Variants in FAM193A observed in about 807,000 individuals in gnomAD.
FAM193A encodes the protein family with sequence similarity 193 member A.
Under a neutral mutation model 126.5 loss-of-function variants are expected in FAM193A, and 22 were observed. The observed-to-expected ratio is 0.17, with a 90% CI of 0.12 to 0.25. The LOEUF is 0.25. Among genes scored for constraint, FAM193A ranks in the 10% least tolerant of loss-of-function variants. The pLI is 1.00. For missense variants in FAM193A, 1,675 were observed against 1,672.8 expected (o/e 1.00, Z -0.02); for synonymous variants, 761 against 646.8 (o/e 1.18, Z -2.68).
At chr4:2,711,222 T>C (rs1465183756) in intron 19 of FAM193A, among the ~76,000 whole-genome samples, 2 of 152,198 alleles carry the variant, frequency 1.3e-5, no homozygotes, top group African/African-American at 4.8e-5. Flanking sequence ...CAGTTCATTT[T>C]GTTTTTTCTT....
intron 20 of FAM193A, among the ~76,000 whole-genome samples, chr4:2,727,260 A>C (rs1720864958): frequency 6.6e-6 from 1 of 152,226 alleles, no homozygotes; most frequent in Non-Finnish European, 1.5e-5. Context: ...CGTCTCAAAA[A>C]AAAAAAAATT....
At chr4:2,596,757 G>T (rs906103319) in intron 2 of FAM193A, among the ~76,000 whole-genome samples, 1 of 152,164 alleles carries the variant, frequency 6.6e-6, no homozygotes. Flanking sequence ...GCCACAGCAG[G>T]CTTGGCTGGG....
At position 2,648,833 on chromosome 4, in the gene FAM193A, CG is replaced by C. The variant is rs956947920; in HGVS notation, c.1311+2003del. Among the ~76,000 whole-genome samples, 36 of 152,316 alleles carry C rather than the reference CG, an allele frequency of 2.4e-4. 1 individual carries two copies. Among genetic ancestry groups the C allele is most frequent in the Admixed American group, 2.2e-3 (33 of 15,308 alleles). ...ACCTTCTCCAGGAAGTGGGCATCTT[CG>C]GCAGAGGCTCTTCAGGGCTGTGGCC... On this transcript the variant is annotated intron_variant, in intron 7 of 20. Coordinates refer to ENST00000637812, the MANE Select transcript of FAM193A (RefSeq NM_001366318.2).
At chr4:2,726,135 G>A (rs1444454964) in intron 20 of FAM193A, among the ~76,000 whole-genome samples, 6 of 151,938 alleles carry the variant, frequency 3.9e-5, no homozygotes, top group East Asian at 1.9e-4. Context: ...TCCCGACCTC[G>A]TGATCCGCCC....
Position 2,659,470 on chromosome 4 carries a change from A to T in FAM193A, c.1390-88A>T, listed in dbSNP as rs181949598. ...TGAGGAAGCAGTGCCCGTGAACATGATACATGTCAGCAGAATTACTGAAAA... is the reference window on the plus strand; with the variant it reads ...TGAGGAAGCAGTGCCCGTGAACATGTTACATGTCAGCAGAATTACTGAAAA... On this transcript the variant is annotated intron_variant, in intron 8 of 20. Transcript: ENST00000637812. 4.1e-4 allele frequency: 370 copies of T among 907,506 alleles called. 3 individuals are homozygous for T. The African/African-American group carries it at 5.4e-3, about 13-fold the overall frequency. The allele number at this position is 907,506 out of a possible 1,614,324, so 56.2% of individuals were successfully genotyped here.
intron 12 of FAM193A, among the ~76,000 whole-genome samples, chr4:2,665,411 ATGT>A (rs1712995839): frequency 6.6e-6 from 1 of 152,184 alleles, no homozygotes; most frequent in Non-Finnish European, 1.5e-5. Flanking sequence ...ATACAAGATC[ATGT>A]TGTCTGCAAA....
At chr4:2,726,152 G>A (rs1426961813) in intron 20 of FAM193A, among the ~76,000 whole-genome samples, 2 of 152,168 alleles carry the variant, frequency 1.3e-5, no homozygotes, top group African/African-American at 4.8e-5. Context: ...GCCCATCTCA[G>A]CCTCCCAAAG....
At chr4:2,714,916 C>T (rs1307121341) in intron 19 of FAM193A, among the ~76,000 whole-genome samples, 6 of 152,270 alleles carry the variant, frequency 3.9e-5, no homozygotes, top group East Asian at 3.9e-4. Context: ...CCCCCAACCC[C>T]GCCCCAGCCC....
At chr4:2,552,302 C>T (rs1469587443) in intron 1 of FAM193A, among the ~76,000 whole-genome samples, 13 of 63,876 alleles carry the variant, frequency 2.0e-4, no homozygotes, top group African/African-American at 6.7e-4. Context: ...TGAGCCACCG[C>T]GCCCGGCTGA....
chr4:2,605,883 A>G (rs576651373), intron 2 of FAM193A, among the ~76,000 whole-genome samples: 1 of 145,966 alleles, frequency 6.9e-6, no homozygotes, highest in South Asian at 2.2e-4. Flanking sequence ...AGGCAGGAGA[A>G]TCACTTGAAC....
intron 13 of FAM193A, among the ~76,000 whole-genome samples, chr4:2,677,898 G>A (rs559896775): frequency 1.3e-5 from 2 of 152,312 alleles, no homozygotes; most frequent in East Asian, 3.9e-4. Flanking sequence ...TGGGCAGTAT[G>A]TACATTCTAA....
chr4:2,646,687 T>TA lies in FAM193A; in HGVS notation c.1167dup (p.Gly390ArgfsTer10). 6.2e-7 allele frequency: 1 copy of TA among 1,604,996 alleles called. No homozygotes were observed. Among genetic ancestry groups the TA allele is most frequent in the Non-Finnish European group, 8.5e-7 (1 of 1,176,170 alleles). On this transcript the variant is annotated frameshift_variant, in exon 7 of 21. Transcript: ENST00000637812. LOFTEE classifies it high-confidence loss of function. ...TTACAAGGCCTTCTCTCTCCTAGGC[T>TA]AGGAACCACCACACACGACACCTGC... is the stretch of plus-strand genomic sequence containing the variant.
rs115466838 is a variant in FAM193A, at chr4:2,719,063, G to A, written c.4454+2959G>A. Among the ~76,000 whole-genome samples, 653 of 152,274 alleles carry A rather than the reference G, an allele frequency of 4.3e-3. 1 individual carries two copies. The highest frequency in any genetic ancestry group is 0.015 in the African/African-American group (627 of 41,554). ...AATGAGTGAGACATCACACACACAA[G>A]TGAATACTCCCTACTTTGTTTTATG... is the stretch of plus-strand genomic sequence containing the variant. On this transcript the variant is annotated intron_variant, in intron 20 of 20. Coordinates refer to ENST00000637812, the MANE Select transcript of FAM193A (RefSeq NM_001366318.2).
chr4:2,654,614 C>T (rs1745995854), intron 7 of FAM193A: 1 of 151,548 alleles, frequency 6.6e-6, no homozygotes, highest in Non-Finnish European at 1.5e-5. Context: ...TGTTATTTAT[C>T]AAACAACTCT....
intron 19 of FAM193A, among the ~76,000 whole-genome samples, chr4:2,715,087 T>C (rs1192709906): frequency 6.6e-6 from 1 of 152,224 alleles, no homozygotes; most frequent in Non-Finnish European, 1.5e-5. Flanking sequence ...CAATCAATGA[T>C]TTCCCTGCTA....
At chr4:2,683,334 G>A (rs895708119) in intron 13 of FAM193A, among the ~76,000 whole-genome samples, 1 of 149,112 alleles carries the variant, frequency 6.7e-6, no homozygotes, top group African/African-American at 2.5e-5. Flanking sequence ...TTGCTCAGCC[G>A]CCCAGGCTGG....
chr4:2,548,758 G>A (rs1167194204), intron 1 of FAM193A, among the ~76,000 whole-genome samples: 1 of 151,514 alleles, frequency 6.6e-6, no homozygotes, highest in Non-Finnish European at 1.5e-5. Flanking sequence ...GACCCAACCT[G>A]TTAACTGGTT....
At position 2,567,500 on chromosome 4, in the gene FAM193A, A is replaced by G. The variant is rs572520862; in HGVS notation, c.256-28584A>G. ...AGTATTCAACCAAGATTTTTAAAAT[A>G]ATGAGGTACAATCATATTGATCTCC... On this transcript the variant is annotated intron_variant, in intron 1 of 20. Coordinates refer to ENST00000637812, the MANE Select transcript of FAM193A (RefSeq NM_001366318.2). Among the ~76,000 whole-genome samples the G allele has an allele frequency of 1.6e-3, 243 of 152,286 alleles. 2 individuals are homozygous for G. Among genetic ancestry groups the G allele is most frequent in the Admixed American group, 2.7e-3 (41 of 15,286 alleles).
rs896399688 is a variant in FAM193A at position 2,628,139 on chromosome 4, C to T, written c.803+1562C>T. Reference sequence around the variant, plus strand: ...GACCTTGTGATCCACCTGCCTCAGCCTCCCAAAGTGTTGGGATTACAGGCG... The same window carrying T: ...GACCTTGTGATCCACCTGCCTCAGCTTCCCAAAGTGTTGGGATTACAGGCG... On this transcript the variant is annotated intron_variant, in intron 4 of 20. Coordinates refer to ENST00000637812, the MANE Select transcript of FAM193A (RefSeq NM_001366318.2). Among the ~76,000 whole-genome samples the T allele has an allele frequency of 2.6e-4, 39 of 152,328 alleles. 1 individual carries two copies. Among genetic ancestry groups the T allele is most frequent in the Middle Eastern group, 6.8e-3 (2 of 294 alleles).
Sources: allele counts gnomAD v4.1 joint callset (sites outside exome capture counted in the v4.1 genomes callset), GRCh38; gene constraint gnomAD v4.1.1; transcripts MANE v1.5; gene names NCBI Gene and HGNC (gene_info 2026-07-23, HGNC 2026-07-21).